Variants in ZNF326 observed in about 807,000 individuals in gnomAD.
ZNF326 encodes the protein zinc finger protein 326, also known as DBIRD complex subunit ZNF326.
In ZNF326, 30 loss-of-function variants were observed where a neutral mutation model predicts 63.1. The observed-to-expected ratio is 0.48, with a 90% CI of 0.36 to 0.64. The LOEUF (loss-of-function observed/expected upper bound fraction) is 0.64. Ranked by LOEUF, ZNF326 falls within the 30% of genes least tolerant of loss-of-function variation. ZNF326 has a pLI of 0.00. For missense variants in ZNF326, 609 were observed against 720.3 expected, an observed-to-expected ratio of 0.85 and a Z score of 1.77; for synonymous variants, 194 against 228.2, an observed-to-expected ratio of 0.85 and a Z score of 1.35.
chr1:90,005,099 A>C (rs554905326), intron 3 of ZNF326, 34 bp from the exon 4 acceptor site: 1 of 1,613,936 alleles, frequency 6.2e-7, no homozygotes, highest in African/African-American at 1.3e-5. Flanking sequence ...AAAGGTGAGC[A>C]TCATATAACT....
At position 89,998,171 on chromosome 1, in the gene ZNF326, A is replaced by G. The variant is rs1648493454; in HGVS notation, c.61+17A>G. The G allele has an allele frequency of 6.2e-7, 1 of 1,611,880 alleles. No homozygotes were observed. Among genetic ancestry groups the G allele is most frequent in the East Asian group, 2.2e-5 (1 of 44,768 alleles). The stretch of plus-strand genomic sequence containing the variant: ...GCTTTAATGGTAAGTATCCTCTTTC[A>G]GCTTTTCTCTTCATGCGCATAAAAA... On this transcript the variant is annotated intron_variant, in intron 2 of 11. Transcript: ENST00000340281.
rs778354651 is a variant in ZNF326, at chr1:90,034,813, A to G, written c.*7112A>G. 1.5e-4 allele frequency: 23 copies of G among 152,174 alleles called. No homozygotes were observed. Among genetic ancestry groups the G allele is most frequent in the Non-Finnish European group, 1.9e-4 (13 of 67,998 alleles). The allele number at this position is 152,174 out of a possible 1,614,324, so 9.4% of individuals were successfully genotyped here. ...TATTCCAGAAAATTGTTCATCAAAG[A>G]TAGCTATAGACCAGTCTCACTTACG... On this transcript the variant is annotated 3_prime_UTR_variant, in exon 12 of 12. Transcript: ENST00000340281.
At chr1:90,014,063 T>C (rs1004073858) in intron 7 of ZNF326, among the ~76,000 whole-genome samples, 2 of 141,842 alleles carry the variant, frequency 1.4e-5, no homozygotes, top group Non-Finnish European at 3.0e-5. Context: ...AGACTCTGTC[T>C]CAAAAAAAAA....
At position 90,017,539 on chromosome 1, in the gene ZNF326, A is replaced by G. The variant is rs1570313646; in HGVS notation, c.1074+75A>G. 3.1e-5 allele frequency: 41 copies of G among 1,324,700 alleles called. No individual in the cohort carries two copies. The East Asian group carries it at 1.0e-3, about 32-fold the overall frequency. The allele number at this position is 1,324,700 out of a possible 1,614,324, so 82.1% of individuals were successfully genotyped here. On this transcript the variant is annotated intron_variant, in intron 8 of 11. Coordinates refer to ENST00000340281, the MANE Select transcript of ZNF326 (RefSeq NM_182976.4). The stretch of plus-strand genomic sequence containing the variant: ...TATGATTTCATTTTTCACTCTCCCC[A>G]TCTCTCACATTTATGTTTCTAAAAT...
At chr1:90,014,178 A>G (rs1425497570) in intron 7 of ZNF326, among the ~76,000 whole-genome samples, 1 of 152,226 alleles carries the variant, frequency 6.6e-6, no homozygotes, top group Admixed American at 6.5e-5. Context: ...AAATTACAGA[A>G]AAACAAAATG....
chr1:90,012,758 G>C (rs146914287), intron 6 of ZNF326, among the ~76,000 whole-genome samples: 1 of 152,056 alleles, frequency 6.6e-6, no homozygotes, highest in East Asian at 1.9e-4. Context: ...TTTCATGCTC[G>C]GTCAGGTTAC....
chr1:89,997,614 C>T (rs757768633), intron 1 of ZNF326, among the ~76,000 whole-genome samples: 3 of 152,118 alleles, frequency 2.0e-5, no homozygotes, highest in African/African-American at 4.8e-5. Context: ...CCTCGTGACC[C>T]GCCCACCTCA....
At chr1:90,000,879 G>A (rs1648641561) in intron 2 of ZNF326, among the ~76,000 whole-genome samples, 1 of 152,204 alleles carries the variant, frequency 6.6e-6, no homozygotes. Flanking sequence ...AGGGGAATGA[G>A]CATTCCAGGC....
At chr1:90,012,133 C>T (rs546518346) in intron 6 of ZNF326, among the ~76,000 whole-genome samples, 40 of 152,136 alleles carry the variant, frequency 2.6e-4, no homozygotes, top group African/African-American at 9.6e-4. Flanking sequence ...TGTGCCTGGT[C>T]CAAACAAAAA....
At chr1:90,018,463 C>A (rs1338911608) in intron 8 of ZNF326, among the ~76,000 whole-genome samples, 2 of 152,102 alleles carry the variant, frequency 1.3e-5, no homozygotes, top group African/African-American at 4.8e-5. Flanking sequence ...TCCCTTTGAT[C>A]CCTTTCTCTA....
chr1:89,998,023 T>C, intron 1 of ZNF326, 87 bp from the exon 2 acceptor site: 1 of 1,210,078 alleles, frequency 8.3e-7, no homozygotes. Context: ...TTTTAAAAAT[T>C]GTGCTTGTTT....
chr1:89,998,475 T>C (rs1049844235), intron 2 of ZNF326, among the ~76,000 whole-genome samples: 1 of 152,194 alleles, frequency 6.6e-6, no homozygotes, highest in African/African-American at 2.4e-5. Context: ...TTAGAGGCTT[T>C]GGTATTGAGT....
intron 9 of ZNF326, among the ~76,000 whole-genome samples, chr1:90,019,737 T>C (rs1352689660): frequency 6.6e-6 from 1 of 152,134 alleles, no homozygotes; most frequent in Non-Finnish European, 1.5e-5. Context: ...ATCTTTCTTC[T>C]GAACTCTAGT....
chr1:90,017,408 T>C lies in ZNF326; in HGVS notation c.1018T>C (p.Leu340=). ...HLESSSHQET[L]DHIQKQTKFD... ...GGAAAGTTCTTCACATCAGGAAACATTAGATCATATACAGAAACAAACTAA... is the reference window on the plus strand; with the variant it reads ...GGAAAGTTCTTCACATCAGGAAACACTAGATCATATACAGAAACAAACTAA... The change falls in exon 8 of 12, where the codon TTA becomes CTA. Residue 340 remains leucine, a synonymous_variant. Transcript: ENST00000340281. 6.2e-7 allele frequency: 1 copy of C among 1,605,302 alleles called. No homozygotes were observed. Among genetic ancestry groups the C allele is most frequent in the Non-Finnish European group, 8.5e-7 (1 of 1,177,520 alleles).
rs1371889296 is a variant in ZNF326, at chr1:90,020,754, T to C, written c.1175-38T>C. The C allele has an allele frequency of 7.0e-6, 11 of 1,574,214 alleles. No homozygotes were observed. In the East Asian group the frequency reaches 1.1e-4, roughly 16 times the overall value. ...AAAACTTCATTGGTCAGAAATAACA[T>C]ATGAATTATTTCTTTAATAATTGGA... On this transcript the variant is annotated intron_variant, in intron 9 of 11. Transcript: ENST00000340281.
chr1:90,016,485 G>T (rs754013361), intron 7 of ZNF326, among the ~76,000 whole-genome samples: 1 of 152,112 alleles, frequency 6.6e-6, no homozygotes, highest in Non-Finnish European at 1.5e-5. Context: ...GGAGGCCGAG[G>T]CAGGCAGATC....
Position 89,995,185 on chromosome 1 carries a change from C to T in ZNF326, c.-73C>T, listed in dbSNP as rs1008667425. The stretch of plus-strand genomic sequence containing the variant: ...CGCGCGGAGTGATCGTGTGGAATCG[C>T]GGGTCGCGGACGCTCGCCGCCGGCC... On this transcript the variant is annotated 5_prime_UTR_variant, in exon 1 of 12. Transcript: ENST00000340281. 1.1e-5 allele frequency: 16 copies of T among 1,502,858 alleles called. No individual in the cohort carries two copies. Among genetic ancestry groups the T allele is most frequent in the African/African-American group, 2.9e-5 (2 of 69,046 alleles). The allele number at this position is 1,502,858 out of a possible 1,614,324, so 93.1% of individuals were successfully genotyped here.
At chr1:89,999,516 C>T (rs1423790165) in intron 2 of ZNF326, among the ~76,000 whole-genome samples, 1 of 152,078 alleles carries the variant, frequency 6.6e-6, no homozygotes, top group Admixed American at 6.5e-5. Context: ...TCTAATATGA[C>T]TTTTATTTTT....
At position 90,017,412 on chromosome 1, in the gene ZNF326, A is replaced by C. The variant is rs1224641254; in HGVS notation, c.1022A>C (p.Asp341Ala). ...LESSSHQETL[D>A]HIQKQTKFDK... is the part of the protein sequence containing the mutation. ...AGTTCTTCACATCAGGAAACATTAG[A>C]TCATATACAGAAACAAACTAAATTT... The change falls in exon 8 of 12, where the codon GAT (aspartate) becomes GCT (alanine). Residue 341 changes from aspartate to alanine, a missense_variant. Around this residue, in one of 3 missense-constraint regions of ZNF326, gnomAD observed 399 missense variants for 444.3 expected, o/e 0.90. Transcript: ENST00000340281. 6.2e-7 allele frequency: 1 copy of C among 1,602,356 alleles called. No homozygotes were observed. The highest frequency in any genetic ancestry group is 8.5e-7 in the Non-Finnish European group (1 of 1,176,958).
Sources: allele counts gnomAD v4.1 joint callset (sites outside exome capture counted in the v4.1 genomes callset), GRCh38; gene constraint gnomAD v4.1.1; regional missense constraint gnomAD v4.1.1; transcripts MANE v1.5; gene names NCBI Gene and HGNC (gene_info 2026-07-23, HGNC 2026-07-21).